The following MRRF variants were observed in gnomAD, a reference collection of about 807,000 sequenced individuals.
MRRF encodes ribosome-recycling factor, mitochondrial.
A neutral mutation model predicts 25.1 loss-of-function variants in MRRF; 18 were observed. That is an observed-to-expected ratio of 0.72 (90% confidence interval 0.50 to 1.06). The LOEUF (loss-of-function observed/expected upper bound fraction) is 1.06, where lower values mean the gene tolerates loss of function less well. MRRF is among the 50% of genes least tolerant of loss of function. The pLI, the probability that MRRF is intolerant of heterozygous loss-of-function variation, is 0.00. For synonymous variants in MRRF, 113 were observed against 112.1 expected, an observed-to-expected ratio of 1.01 and a Z score of -0.05; for missense variants, 323 against 319.3, an observed-to-expected ratio of 1.01 and a Z score of -0.09.
At chr9:122,305,376 C>T (rs993390857) in intron 5 of MRRF, among the ~76,000 whole-genome samples, 1 of 148,008 alleles carries the variant, frequency 6.8e-6, no homozygotes, top group Non-Finnish European at 1.5e-5. Flanking sequence ...TATGCCACTA[C>T]ACTCCAGCCT....
intron 3 of MRRF, among the ~76,000 whole-genome samples, chr9:122,284,316 C>T (rs1388129220): frequency 6.6e-6 from 1 of 152,090 alleles, no homozygotes; most frequent in Non-Finnish European, 1.5e-5. Flanking sequence ...TCTTGTTTTT[C>T]CTCTTGTTAC....
chr9:122,291,131 A>G (rs1305368016), intron 4 of MRRF, among the ~76,000 whole-genome samples: 2 of 152,158 alleles, frequency 1.3e-5, no homozygotes, highest in Admixed American at 6.5e-5. Context: ...GAGGTCAAGC[A>G]TATGCCCAGG....
chr9:122,315,836 ACTC>A (rs1835479241), intron 6 of MRRF, among the ~76,000 whole-genome samples: 1 of 151,296 alleles, frequency 6.6e-6, no homozygotes, highest in Admixed American at 6.6e-5. Context: ...AGAGCCCACA[ACTC>A]CTGAAAGAGG....
chr9:122,293,195 T>A (rs960795258), intron 5 of MRRF, among the ~76,000 whole-genome samples: 1 of 152,188 alleles, frequency 6.6e-6, no homozygotes, highest in African/African-American at 2.4e-5. Context: ...AACAAAGACC[T>A]AATGAACAAA....
chr9:122,303,345 C>T (rs1273896329), intron 5 of MRRF, among the ~76,000 whole-genome samples: 1 of 151,344 alleles, frequency 6.6e-6, no homozygotes, highest in East Asian at 1.9e-4. Flanking sequence ...AATACCACAA[C>T]TTGTTTTTTT....
chr9:122,321,731 C>T (rs1835904154), intron 6 of MRRF, among the ~76,000 whole-genome samples: 1 of 151,406 alleles, frequency 6.6e-6, no homozygotes, highest in Non-Finnish European at 1.5e-5. Context: ...ACCAGATGTA[C>T]CTCATTTTTT....
Position 122,289,611 on chromosome 9 carries a change from A to T in MRRF, c.460-2138A>T, listed in dbSNP as rs1404274499. Among the ~76,000 whole-genome samples, 4 of 150,060 alleles carry T rather than the reference A, an allele frequency of 2.7e-5. No individual in the cohort carries two copies. The East Asian group carries it at 7.8e-4, about 29-fold the overall frequency. On this transcript the variant is annotated intron_variant, in intron 4 of 6. Coordinates refer to ENST00000344641, the MANE Select transcript of MRRF (RefSeq NM_138777.5). ...CTTTAGAATCTGTTTTTTTTTTTTT[A>T]AGGAAGATGGCATTTCTTTTGCAGA...
intron 5 of MRRF, among the ~76,000 whole-genome samples, chr9:122,293,607 A>G (rs569573098): frequency 4.6e-5 from 7 of 152,352 alleles, no homozygotes; most frequent in African/African-American, 1.7e-4. Flanking sequence ...ATTGGGAACA[A>G]TATAACCTAA....
At chr9:122,297,373 T>C (rs1460631890) in intron 5 of MRRF, among the ~76,000 whole-genome samples, 1 of 152,196 alleles carries the variant, frequency 6.6e-6, no homozygotes, top group African/African-American at 2.4e-5. Flanking sequence ...ACCTTGATTT[T>C]CTAGATTTTT....
At chr9:122,271,162 G>C in intron 2 of MRRF, 87 bp downstream of exon 2, 1 of 1,140,270 alleles carries the variant, frequency 8.8e-7, no homozygotes, top group Non-Finnish European at 1.3e-6. Context: ...CAGATGTACT[G>C]AATTTCTCCC....
In MRRF at chr9:122,330,655, T is replaced by C. The variant is rs1182157863; in HGVS notation, c.*8038T>C. On this transcript the variant is annotated 3_prime_UTR_variant, in exon 7 of 7. Transcript: ENST00000344641. This position sits in a 1 kb window ranked among gnomAD's most constrained non-coding sequence, Gnocchi z 4.2. ...GTCCAGAGACACACAGAGGGCCTAGTGCAGTAGCTCATGCCTGGAATCTCA... is the reference window on the plus strand; with the variant it reads ...GTCCAGAGACACACAGAGGGCCTAGCGCAGTAGCTCATGCCTGGAATCTCA... 6.6e-6 allele frequency: 1 copy of C among 152,250 alleles called. No homozygotes were observed. The highest frequency in any genetic ancestry group is 1.5e-5 in the Non-Finnish European group (1 of 68,058). 9.4% of individuals were successfully genotyped at this position (152,250 alleles called of 1,614,324 possible). A position where few individuals can be genotyped will look rare whatever the true frequency, so the allele number is the denominator to read the frequency against.
At chr9:122,319,050 T>C (rs1282605916) in intron 6 of MRRF, among the ~76,000 whole-genome samples, 1 of 152,042 alleles carries the variant, frequency 6.6e-6, no homozygotes, top group South Asian at 2.1e-4. Context: ...GGCCAGGTGC[T>C]GTGGGACCCC....
At chr9:122,305,404 T>C in intron 5 of MRRF, among the ~76,000 whole-genome samples, 1 of 137,608 alleles carries the variant, frequency 7.3e-6, no homozygotes, top group South Asian at 2.4e-4. Flanking sequence ...AGACTGAGAC[T>C]CATCTCAAAA....
At chr9:122,280,291 T>C in intron 2 of MRRF, 152 bp from the exon 3 acceptor site, 1 of 814,708 alleles carries the variant, frequency 1.2e-6, no homozygotes, top group Non-Finnish European at 2.0e-6. Flanking sequence ...GACACTCAGT[T>C]AATATAGGCT....
chr9:122,331,132 G>A lies in MRRF; in HGVS notation c.*8515G>A, dbSNP rs1337837725. 6.6e-6 allele frequency: 1 copy of A among 152,192 alleles called. No individual in the cohort carries two copies. The highest frequency in any genetic ancestry group is 1.5e-5 in the Non-Finnish European group (1 of 68,050). 9.4% of individuals were successfully genotyped at this position (152,192 alleles called of 1,614,324 possible). A position where few individuals can be genotyped will look rare whatever the true frequency, so the allele number is the denominator to read the frequency against. ...GTCTCTCCACTTCTCTGTGGGAAAG[G>A]CTTGGGCAAGTTCTCTGGTTTCCAA... On this transcript the variant is annotated 3_prime_UTR_variant, in exon 7 of 7. Transcript: ENST00000344641.
intron 2 of MRRF, among the ~76,000 whole-genome samples, chr9:122,276,825 G>A (rs1213350242): frequency 6.6e-6 from 1 of 152,060 alleles, no homozygotes; most frequent in Non-Finnish European, 1.5e-5. Flanking sequence ...ATCAAGGAAG[G>A]TATATTGAAC....
At chr9:122,321,035 A>T (rs575345327) in intron 6 of MRRF, among the ~76,000 whole-genome samples, 1 of 152,360 alleles carries the variant, frequency 6.6e-6, no homozygotes, top group East Asian at 1.9e-4. Context: ...TTTAATAATT[A>T]TTCACTTAGT....
In MRRF at chr9:122,323,203, C is replaced by G. The variant is rs1257148709; in HGVS notation, c.*586C>G. The G allele has an allele frequency of 6.2e-6, 1 of 162,416 alleles. No individual in the cohort carries two copies. Among genetic ancestry groups the G allele is most frequent in the South Asian group, 1.6e-4 (1 of 6,094 alleles). 10.1% of individuals were successfully genotyped at this position (162,416 alleles called of 1,614,324 possible). ...TGTTTTCTCTGCCTGGCTCTCTCTT[C>G]CCCTCCTTACCTGGCCAGTCCTGTT... On this transcript the variant is annotated 3_prime_UTR_variant, in exon 7 of 7. Transcript: ENST00000344641.
chr9:122,268,629 C>T (rs559767222), intron 1 of MRRF, among the ~76,000 whole-genome samples: 69 of 152,286 alleles, frequency 4.5e-4, no homozygotes, highest in African/African-American at 1.6e-3. Flanking sequence ...GATTATTATA[C>T]GTTCTTTGTG....
Sources: gnomAD v4.1 joint callset for allele counts (sites outside exome capture counted in the v4.1 genomes callset) on GRCh38, gnomAD v4.1.1 for gene constraint, Gnocchi (gnomAD v3.1) non-coding constraint, MANE v1.5 for transcripts, NCBI Gene and HGNC (gene_info 2026-07-23, HGNC 2026-07-21) for gene names.